Variants in DAPK1 observed in about 807,000 individuals in gnomAD.
The protein encoded by DAPK1 is death associated protein kinase 1.
DAPK1 carries 56 observed loss-of-function variants against 144.9 expected under a neutral mutation model. The ratio of observed to expected loss-of-function variants is 0.39; its 90% CI spans 0.31 to 0.48. The LOEUF (loss-of-function observed/expected upper bound fraction) is 0.48. DAPK1 is among the 20% of genes least tolerant of loss of function. DAPK1 has a pLI of 0.95. For missense variants in DAPK1, 1,454 were observed against 1,875.4 expected, an observed-to-expected ratio of 0.78 and a Z score of 4.15; for synonymous variants, 690 against 749.0, an observed-to-expected ratio of 0.92 and a Z score of 1.29.
intron 2 of DAPK1, among the ~76,000 whole-genome samples, chr9:87,521,293 T>A (rs1825289526): frequency 6.6e-6 from 1 of 152,248 alleles, no homozygotes; most frequent in Non-Finnish European, 1.5e-5. Flanking sequence ...ACAGGCAGGC[T>A]GGAGCACATC....
chr9:87,565,239 G>A (rs554268642), intron 2 of DAPK1, among the ~76,000 whole-genome samples: 2 of 142,864 alleles, frequency 1.4e-5, no homozygotes, highest in East Asian at 1.9e-4. Context: ...AACGAGTGTC[G>A]AGGCTGTAGA....
chr9:87,604,189 A>G (rs563422696), intron 2 of DAPK1, among the ~76,000 whole-genome samples: 3 of 151,960 alleles, frequency 2.0e-5, no homozygotes, highest in Non-Finnish European at 4.4e-5. Context: ...GTTCTGTCAC[A>G]CTCAAAAGAG....
rs781267973 is a variant in DAPK1 at position 87,703,226 on chromosome 9, C to T, written c.3060+9C>T. On this transcript the variant is annotated intron_variant, in intron 25 of 25. Transcript: ENST00000408954. ...TCCACAGCACAGGCGAGGTGAGCCC[C>T]TGGGAGCCCAGGCAGGGGGCCGTGA... is the stretch of plus-strand genomic sequence containing the variant. The T allele has an allele frequency of 2.5e-6, 4 of 1,581,882 alleles. No individual in the cohort carries two copies. Among genetic ancestry groups the T allele is most frequent in the Non-Finnish European group, 3.5e-6 (4 of 1,151,518 alleles).
intron 2 of DAPK1, among the ~76,000 whole-genome samples, chr9:87,520,893 T>A (rs1378957576): frequency 6.6e-6 from 1 of 152,260 alleles, no homozygotes; most frequent in Admixed American, 6.5e-5. Flanking sequence ...ACAAACTATG[T>A]GCACTCTTTA....
intron 2 of DAPK1, among the ~76,000 whole-genome samples, chr9:87,503,001 G>A (rs1217164231): frequency 6.6e-6 from 1 of 152,144 alleles, no homozygotes; most frequent in African/African-American, 2.4e-5. Flanking sequence ...GATGTAAGAT[G>A]CAAACGATGA....
Position 87,695,741 on chromosome 9 carries a change from T to C in DAPK1, c.2414-1266T>C, listed in dbSNP as rs867084974. Among the ~76,000 whole-genome samples the C allele has an allele frequency of 1.1e-3, 171 of 152,276 alleles. 1 individual carries two copies. Among genetic ancestry groups the C allele is most frequent in the African/African-American group, 3.9e-3 (164 of 41,562 alleles). ...TGAGCAGCCTGGACAGGGCCCTCAGTCACCTGGCCAAGTCAGTCCCTGTTG... is the reference window on the plus strand; with the variant it reads ...TGAGCAGCCTGGACAGGGCCCTCAGCCACCTGGCCAAGTCAGTCCCTGTTG... On this transcript the variant is annotated intron_variant, in intron 21 of 25. Transcript: ENST00000408954.
chr9:87,606,641 C>T (rs1828731509), intron 3 of DAPK1, among the ~76,000 whole-genome samples: 1 of 121,788 alleles, frequency 8.2e-6, no homozygotes, highest in African/African-American at 3.0e-5. Context: ...TTCTCCCTCC[C>T]TCCATCTCTC....
intron 3 of DAPK1, among the ~76,000 whole-genome samples, chr9:87,617,777 C>G (rs1467160367): frequency 2.0e-5 from 3 of 152,180 alleles, no homozygotes; most frequent in Non-Finnish European, 4.4e-5. Context: ...CAAGACGGGT[C>G]TCCCCAGGTA....
At chr9:87,651,443 A>C in intron 16 of DAPK1, 84 bp from the exon 17 acceptor site, 2 of 1,363,422 alleles carry the variant, frequency 1.5e-6, no homozygotes, top group Non-Finnish European at 2.1e-6. Context: ...ATTAAACCTC[A>C]CTCGATGGCG....
intron 2 of DAPK1, among the ~76,000 whole-genome samples, chr9:87,540,294 A>T (rs1247778199): frequency 7.0e-6 from 1 of 142,928 alleles, no homozygotes; most frequent in Non-Finnish European, 1.5e-5. Context: ...CGCCCAAGTG[A>T]TTCTCCTGCC....
In DAPK1 at chr9:87,497,978, A is replaced by G. The variant is rs2302791; in HGVS notation, c.-238A>G. ...GCAGGGTCTGGGGCCGGCGCCTGGG[A>G]GGGATCTGCGCCCCCCACTCACTCC... On this transcript the variant is annotated 5_prime_UTR_variant, in exon 1 of 26. Coordinates refer to ENST00000408954, the MANE Select transcript of DAPK1 (RefSeq NM_004938.4). 4,726 of 397,046 alleles carry G rather than the reference A, an allele frequency of 0.012. 180 individuals are homozygous for G. Among genetic ancestry groups the G allele is most frequent in the East Asian group, 0.096 (2,699 of 27,984 alleles). The allele number at this position is 397,046 out of a possible 1,614,324, so 24.6% of individuals were successfully genotyped here. A position where few individuals can be genotyped will look rare whatever the true frequency, so the allele number is the denominator to read the frequency against.
chr9:87,590,778 G>A (rs893853881), intron 2 of DAPK1, among the ~76,000 whole-genome samples: 7 of 152,006 alleles, frequency 4.6e-5, no homozygotes, highest in Non-Finnish European at 8.8e-5. Context: ...TTATAGAGAT[G>A]GGGTCTCACT....
At chr9:87,563,147 G>T (rs979522046) in intron 2 of DAPK1, among the ~76,000 whole-genome samples, 1 of 152,122 alleles carries the variant, frequency 6.6e-6, no homozygotes, top group Non-Finnish European at 1.5e-5. Context: ...GAGACTTTTT[G>T]TTCTTTATTA....
At chr9:87,502,502 G>T (rs1035872874) in intron 2 of DAPK1, among the ~76,000 whole-genome samples, 1 of 152,172 alleles carries the variant, frequency 6.6e-6, no homozygotes, top group Non-Finnish European at 1.5e-5. Context: ...GCAGCTGCAG[G>T]CTGACTTGCC....
chr9:87,620,686 G>GGGAGGA (rs373542999), intron 3 of DAPK1, among the ~76,000 whole-genome samples: 2 of 151,624 alleles, frequency 1.3e-5, no homozygotes, highest in Admixed American at 6.6e-5. Flanking sequence ...GAAGAGGACA[G>GGGAGGA]GGAGGAGGAG....
intron 2 of DAPK1, among the ~76,000 whole-genome samples, chr9:87,599,194 G>T (rs1463522611): frequency 6.6e-6 from 1 of 152,220 alleles, no homozygotes; most frequent in African/African-American, 2.4e-5. Context: ...ACTTGAGTTT[G>T]AGTTCATTTC....
intron 2 of DAPK1, among the ~76,000 whole-genome samples, chr9:87,514,215 A>G (rs1824959990): frequency 6.6e-6 from 1 of 152,180 alleles, no homozygotes; most frequent in Non-Finnish European, 1.5e-5. Flanking sequence ...GTGGAATGAG[A>G]TGAGAGAAGA....
At chr9:87,701,224 C>T (rs1282159241) in intron 24 of DAPK1, among the ~76,000 whole-genome samples, 1 of 152,112 alleles carries the variant, frequency 6.6e-6, no homozygotes, top group Non-Finnish European at 1.5e-5. Context: ...GAACCTGGCA[C>T]AACTGGCTAT....
In DAPK1 at chr9:87,686,611, G is replaced by A; in HGVS notation, c.2285G>A (p.Ser762Asn). ...GCENVSVRSR[S>N]MMFEPGLTKG... ...GAGAACGTGAGTGTGAGGAGCCGCA[G>A]CATGATGTTCGAGCCGGGTCTTACC... The change falls in exon 21 of 26, where the codon AGC becomes AAC. Residue 762 changes from serine to asparagine, a missense_variant. Around this residue, in one of 2 missense-constraint regions of DAPK1, gnomAD observed 1,025 missense variants for 1,237.9 expected, o/e 0.83. Coordinates refer to ENST00000408954, the MANE Select transcript of DAPK1 (RefSeq NM_004938.4). This position sits in a 1 kb window ranked among gnomAD's most constrained non-coding sequence, Gnocchi z 4.2. The A allele has an allele frequency of 6.2e-7, 1 of 1,607,720 alleles. No individual in the cohort carries two copies.
Sources: gnomAD v4.1 joint callset for allele counts (sites outside exome capture counted in the v4.1 genomes callset) on GRCh38, gnomAD v4.1.1 for gene constraint, gnomAD v4.1.1 regional missense constraint, Gnocchi (gnomAD v3.1) non-coding constraint, MANE v1.5 for transcripts, NCBI Gene and HGNC (gene_info 2026-07-23, HGNC 2026-07-21) for gene names.